TEK: variants seen among roughly 807,000 people sequenced by gnomAD.
TEK encodes angiopoietin-1 receptor.
TEK carries 43 observed loss-of-function variants against 131.8 expected under a neutral mutation model. The observed-to-expected ratio is 0.33, with a 90% CI of 0.26 to 0.42. TEK has a LOEUF of 0.42. TEK is among the 10% of genes least tolerant of loss of function. The pLI, the probability that TEK is intolerant of heterozygous loss-of-function variation, is 1.00. For missense variants in TEK, 1,162 were observed against 1,384.4 expected, an observed-to-expected ratio of 0.84 and a Z score of 2.55; for synonymous variants, 580 against 491.6, an observed-to-expected ratio of 1.18 and a Z score of -2.38.
intron 18 of TEK, among the ~76,000 whole-genome samples, chr9:27,216,533 G>C (rs1282476428): frequency 6.6e-6 from 1 of 152,180 alleles, no homozygotes; most frequent in Non-Finnish European, 1.5e-5. Flanking sequence ...TGTGGACAGA[G>C]AGTGAAGGGA....
chr9:27,229,227 G>A lies in TEK; in HGVS notation c.3370G>A (p.Ala1124Thr). The stretch of plus-strand genomic sequence containing the variant: ...AATTGACTGTTCTGCTGAAGAAGCG[G>A]CCTAGGACAGAACATCTGTATACCC... ...AGIDCSAEEA[A>T] The change falls in exon 23 of 23, where the codon GCC becomes ACC. Residue 1124 changes from alanine to threonine, a missense_variant. Physicochemically the swap from Ala to Thr is moderately conservative, Grantham distance 58 (BLOSUM62 0). Coordinates refer to ENST00000380036, the MANE Select transcript of TEK (RefSeq NM_000459.5). 6.2e-7 allele frequency: 1 copy of A among 1,613,704 alleles called. No homozygotes were observed. Among genetic ancestry groups the A allele is most frequent in the Non-Finnish European group, 8.5e-7 (1 of 1,179,670 alleles).
chr9:27,208,915 A>G (rs1825500678), intron 15 of TEK, among the ~76,000 whole-genome samples: 1 of 152,198 alleles, frequency 6.6e-6, no homozygotes, highest in Admixed American at 6.5e-5. Flanking sequence ...ACATCTTACC[A>G]TGCACAGGAC....
rs577784628 is a variant in TEK at position 27,144,686 on chromosome 9, A to G, written c.53-13145A>G. 9.2e-5 allele frequency among the ~76,000 whole-genome samples: 14 copies of G among 152,290 alleles called. No homozygotes were observed. The East Asian group carries it at 2.1e-3, about 23-fold the overall frequency. On this transcript the variant is annotated intron_variant, in intron 1 of 22. Transcript: ENST00000380036. Reference sequence around the variant, plus strand: ...GCACACAATCACAGAAATAATTCACATATGGCCTGGAAGACAATAGATTCC... The same window carrying G: ...GCACACAATCACAGAAATAATTCACGTATGGCCTGGAAGACAATAGATTCC...
chr9:27,209,026 T>C, intron 15 of TEK, 95 bp from the exon 16 acceptor site: 1 of 793,024 alleles, frequency 1.3e-6, no homozygotes, highest in South Asian at 1.4e-5. Flanking sequence ...TGATGGTGAC[T>C]GAGGGTAGCT....
chr9:27,198,551 C>T (rs1194501428), intron 12 of TEK: 2 of 152,194 alleles, frequency 1.3e-5, no homozygotes, highest in African/African-American at 2.4e-5. Flanking sequence ...ATGTTTAATT[C>T]TGTGAAATTT....
chr9:27,139,526 T>A (rs1822641049), intron 1 of TEK, among the ~76,000 whole-genome samples: 1 of 151,780 alleles, frequency 6.6e-6, no homozygotes, highest in African/African-American at 2.4e-5. Context: ...GGTTTCACCA[T>A]GTTGCCAGGC....
At chr9:27,135,086 A>G (rs531295346) in intron 1 of TEK, among the ~76,000 whole-genome samples, 34 of 139,222 alleles carry the variant, frequency 2.4e-4, no homozygotes, top group African/African-American at 8.4e-4. Flanking sequence ...TTAGCTGGGC[A>G]TGGTGGTGCA....
At chr9:27,158,176 C>A in intron 2 of TEK, 34 bp downstream of exon 2, 1 of 1,612,778 alleles carries the variant, frequency 6.2e-7, no homozygotes, top group South Asian at 1.1e-5. Flanking sequence ...CAGGTGAGGC[C>A]CACTGAGGAA....
At chr9:27,214,537 G>A (rs1825748352) in intron 18 of TEK, among the ~76,000 whole-genome samples, 2 of 152,098 alleles carry the variant, frequency 1.3e-5, no homozygotes, top group South Asian at 4.1e-4. Context: ...CTCAATTCCA[G>A]GCTTCTTTTT....
intron 1 of TEK, 65 bp downstream of exon 1, chr9:27,109,707 G>T (rs1470482678): frequency 1.9e-6 from 3 of 1,542,294 alleles, no homozygotes; most frequent in Admixed American, 3.4e-5. Context: ...ATTTCTGGGT[G>T]CTCTCCCCAA....
chr9:27,146,590 A>T (rs1822925572), intron 1 of TEK, among the ~76,000 whole-genome samples: 1 of 152,080 alleles, frequency 6.6e-6, no homozygotes, highest in African/African-American at 2.4e-5. Context: ...AAGTAGCAAT[A>T]GGTTTTTTCT....
rs779657608 is a variant in TEK at position 27,185,626 on chromosome 9, A to G, written c.1324A>G (p.Lys442Glu). Reference protein sequence around the residue: ...MVEKPFNISVKVLPKPLNAPN... With the variant: ...MVEKPFNISVEVLPKPLNAPN... ...GGAAAAGCCCTTCAACATTTCTGTT[A>G]AAGGTAAGTTCATTTCCCAGAAAAA... Residue 442 changes from lysine to glutamate, a missense_variant, in exon 9 of 23, where the codon AAA becomes GAA. Lys to Glu is a moderately conservative substitution (Grantham distance 56, BLOSUM62 1). Coordinates refer to ENST00000380036, the MANE Select transcript of TEK (RefSeq NM_000459.5). The G allele has an allele frequency of 6.2e-7, 1 of 1,613,638 alleles. No homozygotes were observed. Among genetic ancestry groups the G allele is most frequent in the Non-Finnish European group, 8.5e-7 (1 of 1,179,686 alleles).
intron 19 of TEK, 27 bp downstream of exon 19, chr9:27,217,785 A>ATTT: frequency 1.3e-6 from 2 of 1,546,752 alleles, no homozygotes; most frequent in African/African-American, 1.5e-5. Context: ...TTGCCAAGGG[A>ATTT]TTTTTTTTCC....
At chr9:27,121,542 TC>T (rs1403069166) in intron 1 of TEK, among the ~76,000 whole-genome samples, 1 of 150,522 alleles carries the variant, frequency 6.6e-6, no homozygotes, top group African/African-American at 2.4e-5. Flanking sequence ...AAATATATTT[TC>T]CATATTATAT....
intron 1 of TEK, among the ~76,000 whole-genome samples, chr9:27,156,117 TA>T (rs1823323180): frequency 6.6e-6 from 1 of 152,146 alleles, no homozygotes; most frequent in African/African-American, 2.4e-5. Context: ...CTTTCATTTT[TA>T]ACCTTATTAT....
chr9:27,227,222 T>C (rs148219605), intron 21 of TEK, among the ~76,000 whole-genome samples: 2 of 152,314 alleles, frequency 1.3e-5, no homozygotes, highest in South Asian at 2.1e-4. Flanking sequence ...CTGTCAGTCA[T>C]TGATTCTGTA....
At chr9:27,176,266 A>G (rs1824166262) in intron 6 of TEK, among the ~76,000 whole-genome samples, 1 of 152,212 alleles carries the variant, frequency 6.6e-6, no homozygotes, top group South Asian at 2.1e-4. Flanking sequence ...GCAATAATAG[A>G]AATTTTTGAA....
intron 9 of TEK, among the ~76,000 whole-genome samples, chr9:27,189,712 A>G (rs1824737093): frequency 6.6e-6 from 1 of 152,180 alleles, no homozygotes; most frequent in South Asian, 2.1e-4. Context: ...TCTAGAAGCT[A>G]GAAAGAACAA....
At chr9:27,198,890 T>C (rs1379255628) in intron 12 of TEK, among the ~76,000 whole-genome samples, 1 of 152,184 alleles carries the variant, frequency 6.6e-6, no homozygotes, top group Non-Finnish European at 1.5e-5. Context: ...CTTGGCTTCC[T>C]GGGCCCAAGC....
Sources: gnomAD v4.1 joint callset for allele counts (sites outside exome capture counted in the v4.1 genomes callset) on GRCh38, gnomAD v4.1.1 for gene constraint, MANE v1.5 for transcripts, NCBI Gene and HGNC (gene_info 2026-07-23, HGNC 2026-07-21) for gene names.